The following XRCC6 variants were observed in gnomAD, a reference collection of about 807,000 sequenced individuals.
The protein encoded by XRCC6 is X-ray repair cross complementing 6.
XRCC6 carries 5 observed loss-of-function variants against 65.7 expected under a neutral mutation model. The ratio of observed to expected loss-of-function variants is 0.08; its 90% confidence interval spans 0.04 to 0.16. XRCC6 has a LOEUF of 0.16. Among genes scored for constraint, XRCC6 ranks in the 10% least tolerant of loss-of-function variants. The pLI is 1.00. For synonymous variants in XRCC6, 270 were observed against 270.6 expected, an observed-to-expected ratio of 1.00 and a Z score of 0.02; for missense variants, 447 against 738.1, an observed-to-expected ratio of 0.61 and a Z score of 4.57.
chr22:41,659,428 G>T (rs188163078), intron 11 of XRCC6, among the ~76,000 whole-genome samples: 55 of 151,930 alleles, frequency 3.6e-4, no homozygotes, highest in Non-Finnish European at 4.3e-4. Flanking sequence ...GGATGGTCTC[G>T]ATCTCCTGAC....
chr22:41,624,666 C>A (rs545001311), intron 2 of XRCC6, among the ~76,000 whole-genome samples: 1 of 145,584 alleles, frequency 6.9e-6, no homozygotes, highest in Non-Finnish European at 1.5e-5. Flanking sequence ...CCAGCCTGGG[C>A]GACAGAGTGA....
At chr22:41,623,228 C>T (rs980068907) in intron 2 of XRCC6, among the ~76,000 whole-genome samples, 3 of 151,862 alleles carry the variant, frequency 2.0e-5, no homozygotes, top group South Asian at 2.1e-4. Flanking sequence ...CTACAAGTGC[C>T]GCCAACTCCC....
intron 11 of XRCC6, among the ~76,000 whole-genome samples, chr22:41,658,899 C>T (rs2068072525): frequency 6.6e-6 from 1 of 152,196 alleles, no homozygotes; most frequent in Non-Finnish European, 1.5e-5. Context: ...CCACTGCACT[C>T]CAGCCTGGTG....
chr22:41,660,317 G>A (rs924597811), intron 11 of XRCC6, among the ~76,000 whole-genome samples: 14 of 152,118 alleles, frequency 9.2e-5, no homozygotes, highest in African/African-American at 3.1e-4. Context: ...TGCTCCCCCT[G>A]TTTCAGCCAG....
At chr22:41,634,479 C>T (rs573664893) in intron 3 of XRCC6, among the ~76,000 whole-genome samples, 1 of 151,788 alleles carries the variant, frequency 6.6e-6, no homozygotes, top group African/African-American at 2.4e-5. Flanking sequence ...AGCCACTGTA[C>T]CTGGCCCGAA....
At position 41,631,940 on chromosome 22, in the gene XRCC6, A is replaced by G. The variant is rs542412703; in HGVS notation, c.195+3710A>G. 6.6e-4 allele frequency among the ~76,000 whole-genome samples: 100 copies of G among 152,286 alleles called. No individual in the cohort carries two copies. The East Asian group carries it at 0.01, about 15-fold the overall frequency. On this transcript the variant is annotated intron_variant, in intron 3 of 12. Coordinates refer to ENST00000360079, the MANE Select transcript of XRCC6 (RefSeq NM_001469.5). ...TAGGAGCTGGAGACCAGCCTGGCCA[A>G]CACAGCGAAACCCCGTCTCCACCAA... is the stretch of plus-strand genomic sequence containing the variant.
chr22:41,623,965 C>T (rs749162204), intron 2 of XRCC6, among the ~76,000 whole-genome samples: 2 of 151,346 alleles, frequency 1.3e-5, no homozygotes, highest in African/African-American at 4.8e-5. Context: ...TTAGGTGATT[C>T]ACCCACCTCG....
At chr22:41,661,563 T>C in intron 12 of XRCC6, 119 bp downstream of exon 12, 1 of 854,790 alleles carries the variant, frequency 1.2e-6, no homozygotes, top group Non-Finnish European at 1.8e-6. Flanking sequence ...AAATGGCTTT[T>C]ATCCAAAAAA....
chr22:41,661,459 G>A lies in XRCC6; in HGVS notation c.1636+15G>A. On this transcript the variant is annotated intron_variant, in intron 12 of 12. Transcript: ENST00000360079. ...GAGAAAACACGGTGAGAAGCTGAAT[G>A]TGGACATGTGGGCTATTTTTAAAAA... 2 of 1,606,430 alleles carry A rather than the reference G, an allele frequency of 1.2e-6. No individual in the cohort carries two copies. Among genetic ancestry groups the A allele is most frequent in the South Asian group, 1.1e-5 (1 of 90,442 alleles).
At chr22:41,650,974 G>C in intron 8 of XRCC6, 83 bp downstream of exon 8, 2 of 1,528,650 alleles carry the variant, frequency 1.3e-6, no homozygotes, top group South Asian at 2.3e-5. Context: ...GCACTGCTTG[G>C]ACACTGTACA....
chr22:41,642,060 C>G (rs1455003727), intron 6 of XRCC6, among the ~76,000 whole-genome samples: 1 of 152,088 alleles, frequency 6.6e-6, no homozygotes, highest in Non-Finnish European at 1.5e-5. Context: ...TTTTTTATGG[C>G]TGAATAGTAC....
At position 41,637,644 on chromosome 22, in the gene XRCC6, G is replaced by T. The variant is rs1431804859; in HGVS notation, c.626G>T (p.Gly209Val). 1.7e-5 allele frequency: 28 copies of T among 1,609,478 alleles called. No individual in the cohort carries two copies. The Admixed American group carries it at 4.7e-4, about 27-fold the overall frequency. ...FLDLMHLKKP[G>V]GFDISLFYRD... ...GACTTGATGCACCTGAAGAAACCTGGGGGCTTTGACATATCCTTGTTCTAC... is the reference window on the plus strand; with the variant it reads ...GACTTGATGCACCTGAAGAAACCTGTGGGCTTTGACATATCCTTGTTCTAC... Residue 209 changes from glycine (G) to valine (V), a missense_variant, in exon 6 of 13, where the codon GGG (glycine) becomes GTG (valine). This residue lies in a region of XRCC6 where 228 missense variants were observed against 307.4 expected (regional missense o/e 0.74). Transcript: ENST00000360079.
At chr22:41,635,181 A>G (rs1382352004) in intron 3 of XRCC6, among the ~76,000 whole-genome samples, 1 of 152,214 alleles carries the variant, frequency 6.6e-6, no homozygotes, top group African/African-American at 2.4e-5. Context: ...TAAGTCATCT[A>G]TAGGTTACTC....
Position 41,622,103 on chromosome 22 carries a change from T to C in XRCC6, c.82+17T>C, listed in dbSNP as rs2067613975. 2.5e-6 allele frequency: 4 copies of C among 1,613,932 alleles called. No homozygotes were observed. The highest frequency in any genetic ancestry group is 3.4e-6 in the Non-Finnish European group (4 of 1,179,788). ...AAGCAAGTGGTAAGTGACTTCAGCATGTAGTGCCATTCGGTGTGTGGAAGA... is the reference window on the plus strand; with the variant it reads ...AAGCAAGTGGTAAGTGACTTCAGCACGTAGTGCCATTCGGTGTGTGGAAGA... On this transcript the variant is annotated intron_variant, in intron 2 of 12. Transcript: ENST00000360079.
chr22:41,625,413 C>T, intron 2 of XRCC6, among the ~76,000 whole-genome samples: 1 of 152,166 alleles, frequency 6.6e-6, no homozygotes, highest in East Asian at 1.9e-4. Context: ...AGGCTATCAC[C>T]TGAGGTCGGG....
intron 2 of XRCC6, among the ~76,000 whole-genome samples, chr22:41,625,252 C>T (rs2067657075): frequency 6.6e-6 from 1 of 152,178 alleles, no homozygotes; most frequent in Admixed American, 6.5e-5. Context: ...TGCGGTGAGC[C>T]AAGATCGCGT....
chr22:41,637,824 T>C (rs968378740), intron 6 of XRCC6, 33 bp downstream of exon 6: 12 of 1,599,430 alleles, frequency 7.5e-6, no homozygotes, highest in Admixed American at 1.7e-5. Flanking sequence ...CTGCCTACAC[T>C]GCCCTTAAAT....
intron 8 of XRCC6, among the ~76,000 whole-genome samples, chr22:41,651,784 A>G (rs2068001173): frequency 6.9e-6 from 1 of 144,684 alleles, no homozygotes; most frequent in African/African-American, 2.6e-5. Context: ...ACCTGGCCTT[A>G]TTTATATTTA....
At chr22:41,652,681 G>A (rs779135726) in intron 8 of XRCC6, among the ~76,000 whole-genome samples, 5 of 97,800 alleles carry the variant, frequency 5.1e-5, no homozygotes, top group Non-Finnish European at 8.3e-5. Flanking sequence ...TTCACTTTCT[G>A]TTTGTTTGTT....
Sources: allele counts gnomAD v4.1 joint callset (sites outside exome capture counted in the v4.1 genomes callset), GRCh38; gene constraint gnomAD v4.1.1; regional missense constraint gnomAD v4.1.1; transcripts MANE v1.5; gene names NCBI Gene and HGNC (gene_info 2026-07-23, HGNC 2026-07-21).